The following EPHA3 variants were observed in gnomAD, a reference collection of about 807,000 sequenced individuals.
EPHA3 encodes ephrin type-A receptor 3.
EPHA3 carries 42 observed loss-of-function variants against 107.1 expected under a neutral mutation model. That is an observed-to-expected ratio of 0.39 (90% CI 0.31 to 0.51). The LOEUF (loss-of-function observed/expected upper bound fraction) is 0.51. Among genes scored for constraint, EPHA3 ranks in the 20% least tolerant of loss-of-function variants. The pLI is 0.78. For missense variants in EPHA3, 1,183 were observed against 1,211.2 expected, an observed-to-expected ratio of 0.98 and a Z score of 0.35; for synonymous variants, 461 against 424.8, an observed-to-expected ratio of 1.09 and a Z score of -1.05.
intron 5 of EPHA3, among the ~76,000 whole-genome samples, chr3:89,376,979 G>A (rs953896883): frequency 6.6e-6 from 1 of 151,962 alleles, no homozygotes; most frequent in African/African-American, 2.4e-5. Flanking sequence ...ACTTTTTAAG[G>A]AACGTGTTGG....
chr3:89,426,173 C>T (rs937699439), intron 11 of EPHA3, among the ~76,000 whole-genome samples: 1 of 151,694 alleles, frequency 6.6e-6, no homozygotes, highest in Admixed American at 6.6e-5. Flanking sequence ...ACGATCATGT[C>T]ATTTGTAAAT....
chr3:89,456,395 T>C lies in EPHA3; in HGVS notation c.2690+6025T>C, dbSNP rs115403847. On this transcript the variant is annotated intron_variant, in intron 15 of 16. Transcript: ENST00000336596. ...AACAACATCATTCTGATAGAAATGA[T>C]GTTTCTTCAGTCTTTCTGGATTTAG... 5.0e-3 allele frequency among the ~76,000 whole-genome samples: 762 copies of C among 152,314 alleles called. 1 individual carries two copies. The highest frequency in any genetic ancestry group is 0.018 in the African/African-American group (729 of 41,580).
intron 11 of EPHA3, among the ~76,000 whole-genome samples, chr3:89,427,767 T>C (rs1268464288): frequency 6.6e-6 from 1 of 151,882 alleles, no homozygotes; most frequent in South Asian, 2.1e-4. Flanking sequence ...ATGGGAATAA[T>C]GCATATTGCT....
intron 1 of EPHA3, among the ~76,000 whole-genome samples, chr3:89,124,752 T>C (rs558305224): frequency 9.2e-5 from 14 of 152,178 alleles, no homozygotes; most frequent in African/African-American, 2.6e-4. Flanking sequence ...TCAGGGTAGA[T>C]ATAATTGATA....
At chr3:89,293,429 G>A (rs1033095220) in intron 3 of EPHA3, among the ~76,000 whole-genome samples, 4 of 152,002 alleles carry the variant, frequency 2.6e-5, no homozygotes, top group Non-Finnish European at 4.4e-5. Flanking sequence ...TCAAAGAGTC[G>A]GGGAACTTTC....
In EPHA3 at chr3:89,134,959, A is replaced by G. The variant is rs147758025; in HGVS notation, c.153+7686A>G. On this transcript the variant is annotated intron_variant, in intron 2 of 16. Coordinates refer to ENST00000336596, the MANE Select transcript of EPHA3 (RefSeq NM_005233.6). ...AAAACGAGAAATGCACATTAAAATG[A>G]TGTATAACATATTTCACACTTAATT... Among the ~76,000 whole-genome samples, 16 of 152,338 alleles carry G rather than the reference A, an allele frequency of 1.1e-4. No homozygotes were observed. In the East Asian group the frequency reaches 3.1e-3, roughly 29 times the overall value.
chr3:89,458,376 A>T (rs1710142754), intron 15 of EPHA3, among the ~76,000 whole-genome samples: 1 of 152,196 alleles, frequency 6.6e-6, no homozygotes, highest in Admixed American at 6.5e-5. Flanking sequence ...TGATAGGATG[A>T]GGTTTAGACT....
intron 5 of EPHA3, among the ~76,000 whole-genome samples, chr3:89,363,771 T>C (rs746817738): frequency 1.3e-5 from 2 of 150,826 alleles, no homozygotes; most frequent in African/African-American, 4.8e-5. Context: ...TCAAGATAAA[T>C]TGATATAAAG....
At chr3:89,114,925 A>G (rs114524823) in intron 1 of EPHA3, among the ~76,000 whole-genome samples, 2,025 of 152,258 alleles carry the variant, frequency 0.013, 49 homozygotes, top group African/African-American at 0.047. Context: ...ATAGACTTTA[A>G]TTCAGGATCT....
At chr3:89,216,341 T>A (rs1704222884) in intron 3 of EPHA3, among the ~76,000 whole-genome samples, 1 of 152,022 alleles carries the variant, frequency 6.6e-6, no homozygotes, top group African/African-American at 2.4e-5. Flanking sequence ...TGTAGACAAC[T>A]CACTAAATAT....
intron 3 of EPHA3, among the ~76,000 whole-genome samples, chr3:89,319,572 T>A (rs926734173): frequency 1.3e-5 from 2 of 150,908 alleles, no homozygotes; most frequent in Admixed American, 1.3e-4. Flanking sequence ...CCAGAAAGAG[T>A]GGTGAAAAAA....
chr3:89,272,508 A>G (rs928790229), intron 3 of EPHA3, among the ~76,000 whole-genome samples: 54 of 152,110 alleles, frequency 3.6e-4, no homozygotes, highest in African/African-American at 1.2e-3. Context: ...ATTTTAATCC[A>G]TTAAGAGTTG....
At chr3:89,327,345 A>G (rs1454209817) in intron 3 of EPHA3, among the ~76,000 whole-genome samples, 1 of 152,206 alleles carries the variant, frequency 6.6e-6, no homozygotes, top group African/African-American at 2.4e-5. Flanking sequence ...ATGTTAAGGC[A>G]GTTAGAAATG....
chr3:89,152,792 C>A (rs531400448), intron 2 of EPHA3, among the ~76,000 whole-genome samples: 1 of 151,856 alleles, frequency 6.6e-6, no homozygotes, highest in Non-Finnish European at 1.5e-5. Flanking sequence ...TCTAAATGAA[C>A]GAAGAAATGT....
chr3:89,247,566 AC>A (rs1223374396), intron 3 of EPHA3, among the ~76,000 whole-genome samples: 1 of 152,138 alleles, frequency 6.6e-6, no homozygotes, highest in East Asian at 1.9e-4. Context: ...AAGAAGCAGA[AC>A]CCAAAAGTAC....
chr3:89,383,093 C>G (rs1708543654), intron 5 of EPHA3, among the ~76,000 whole-genome samples: 1 of 152,010 alleles, frequency 6.6e-6, no homozygotes, highest in African/African-American at 2.4e-5. Flanking sequence ...AGTTAATGGC[C>G]TTTCACAAAT....
At chr3:89,305,467 G>A (rs935633063) in intron 3 of EPHA3, among the ~76,000 whole-genome samples, 6 of 152,120 alleles carry the variant, frequency 3.9e-5, no homozygotes, top group Admixed American at 2.6e-4. Flanking sequence ...TAAGGTAGAA[G>A]AAGTTACATT....
chr3:89,439,844 T>C (rs904754074), intron 13 of EPHA3, among the ~76,000 whole-genome samples: 3 of 152,098 alleles, frequency 2.0e-5, no homozygotes, highest in Non-Finnish European at 4.4e-5. Context: ...GATTACTTAG[T>C]TTTTACACTG....
At chr3:89,302,735 A>G (rs1226295154) in intron 3 of EPHA3, among the ~76,000 whole-genome samples, 1 of 152,152 alleles carries the variant, frequency 6.6e-6, no homozygotes, top group Non-Finnish European at 1.5e-5. Flanking sequence ...ATACTCTTCT[A>G]AAGTTTAGCT....
Sources: gnomAD v4.1 joint callset for allele counts (sites outside exome capture counted in the v4.1 genomes callset) on GRCh38, gnomAD v4.1.1 for gene constraint, MANE v1.5 for transcripts, NCBI Gene and HGNC (gene_info 2026-07-23, HGNC 2026-07-21) for gene names.